Variants in B3GALT1 observed in about 807,000 individuals in gnomAD.
B3GALT1 encodes the protein beta-1,3-galactosyltransferase 1.
B3GALT1 carries 10 observed loss-of-function variants against 23.2 expected under a neutral mutation model. The ratio of observed to expected loss-of-function variants is 0.43; its 90% CI spans 0.27 to 0.73. The LOEUF (loss-of-function observed/expected upper bound fraction) is 0.73. Ranked by LOEUF, B3GALT1 falls within the 30% of genes least tolerant of loss-of-function variation. The probability of loss-of-function intolerance (pLI) is 0.21; values close to 1 mark genes in which losing one functional copy is unlikely to be tolerated. For synonymous variants in B3GALT1, 156 were observed against 141.5 expected, an observed-to-expected ratio of 1.10 and a Z score of -0.73; for missense variants, 299 against 405.4, an observed-to-expected ratio of 0.74 and a Z score of 2.25.
intron 4 of B3GALT1, among the ~76,000 whole-genome samples, chr2:167,854,677 T>G (rs1689965687): frequency 6.6e-6 from 1 of 152,192 alleles, no homozygotes; most frequent in Non-Finnish European, 1.5e-5. Flanking sequence ...TTATCCTAGT[T>G]GTAAAGGAGC....
chr2:167,410,950 A>T (rs1379278021), intron 1 of B3GALT1, among the ~76,000 whole-genome samples: 2 of 152,086 alleles, frequency 1.3e-5, no homozygotes, highest in Non-Finnish European at 2.9e-5. Context: ...GAAAATGTTG[A>T]TGCTATACAA....
At chr2:167,771,406 A>G (rs1383349105) in intron 3 of B3GALT1, among the ~76,000 whole-genome samples, 2 of 152,168 alleles carry the variant, frequency 1.3e-5, no homozygotes, top group Non-Finnish European at 2.9e-5. Context: ...CCTGGCCAAC[A>G]TGGTGAAACC....
chr2:167,626,144 A>G (rs1685339854), intron 2 of B3GALT1, among the ~76,000 whole-genome samples: 1 of 151,258 alleles, frequency 6.6e-6, no homozygotes, highest in Non-Finnish European at 1.5e-5. Flanking sequence ...AGCAGAATAA[A>G]AACTATTTAA....
At chr2:167,778,265 G>C (rs1205889607) in intron 3 of B3GALT1, among the ~76,000 whole-genome samples, 1 of 152,004 alleles carries the variant, frequency 6.6e-6, no homozygotes, top group Non-Finnish European at 1.5e-5. Flanking sequence ...GTGTTCTACT[G>C]TCTCCTCTGT....
At chr2:167,503,246 A>G (rs1466104572) in intron 2 of B3GALT1, among the ~76,000 whole-genome samples, 2 of 152,090 alleles carry the variant, frequency 1.3e-5, no homozygotes, top group Admixed American at 1.3e-4. Context: ...AAAAATTATT[A>G]CAAGCAGTGA....
chr2:167,806,531 C>CAT (rs1688758849), intron 3 of B3GALT1, among the ~76,000 whole-genome samples: 1 of 152,092 alleles, frequency 6.6e-6, no homozygotes, highest in Non-Finnish European at 1.5e-5. Flanking sequence ...GCATGAAGGG[C>CAT]TGTTGAATTT....
intron 4 of B3GALT1, among the ~76,000 whole-genome samples, 196 bp from the exon 5 acceptor site, chr2:167,868,615 A>G (rs1305489051): frequency 6.6e-6 from 1 of 152,142 alleles, no homozygotes; most frequent in Non-Finnish European, 1.5e-5. Context: ...GGGTATTAAT[A>G]TACATACACA....
chr2:167,350,239 C>T (rs980209650), intron 1 of B3GALT1, among the ~76,000 whole-genome samples: 7 of 152,090 alleles, frequency 4.6e-5, no homozygotes, highest in Non-Finnish European at 1.0e-4. Flanking sequence ...TGTAAATCTC[C>T]TTGAAGTACA....
At chr2:167,484,120 A>G (rs1014411236) in intron 1 of B3GALT1, among the ~76,000 whole-genome samples, 3 of 152,234 alleles carry the variant, frequency 2.0e-5, no homozygotes, top group East Asian at 3.8e-4. Context: ...GGGAATAACT[A>G]TGACAACTAA....
chr2:167,350,369 A>T (rs1204050953), intron 1 of B3GALT1, among the ~76,000 whole-genome samples: 1 of 152,074 alleles, frequency 6.6e-6, no homozygotes, highest in Non-Finnish European at 1.5e-5. Flanking sequence ...ATTTCTTATA[A>T]AATACAAATA....
intron 2 of B3GALT1, among the ~76,000 whole-genome samples, chr2:167,503,155 AAAGTT>A (rs1699870936): frequency 1.3e-5 from 2 of 152,342 alleles, no homozygotes; most frequent in African/African-American, 4.8e-5. Flanking sequence ...TGATACTTTT[AAAGTT>A]AAGATTATTG....
chr2:167,609,712 G>C (rs1361144654), intron 2 of B3GALT1, among the ~76,000 whole-genome samples: 1 of 152,148 alleles, frequency 6.6e-6, no homozygotes, highest in Non-Finnish European at 1.5e-5. Flanking sequence ...CACTGTTCTT[G>C]AGAGGGTCAC....
chr2:167,668,886 G>A (rs1338528684), intron 3 of B3GALT1, among the ~76,000 whole-genome samples: 1 of 152,326 alleles, frequency 6.6e-6, no homozygotes, highest in African/African-American at 2.4e-5. Flanking sequence ...ACCTCAGATG[G>A]AAATGCAGAG....
chr2:167,634,580 A>C (rs947123613), intron 2 of B3GALT1, among the ~76,000 whole-genome samples: 2 of 152,184 alleles, frequency 1.3e-5, no homozygotes, highest in African/African-American at 2.4e-5. Flanking sequence ...ACATCAATGC[A>C]AGTAAACTAG....
intron 1 of B3GALT1, among the ~76,000 whole-genome samples, chr2:167,300,094 G>A (rs571470753): frequency 2.0e-5 from 3 of 151,944 alleles, no homozygotes; most frequent in African/African-American, 7.2e-5. Flanking sequence ...TAGTAGATAC[G>A]GGGTTTCACC....
chr2:167,831,305 G>A (rs1206084642), intron 4 of B3GALT1, among the ~76,000 whole-genome samples: 1 of 152,146 alleles, frequency 6.6e-6, no homozygotes, highest in Non-Finnish European at 1.5e-5. Flanking sequence ...CTTTATACGA[G>A]GTGCATCTGC....
intron 1 of B3GALT1, among the ~76,000 whole-genome samples, chr2:167,305,827 A>G (rs998204221): frequency 2.0e-5 from 3 of 152,140 alleles, no homozygotes; most frequent in African/African-American, 7.2e-5. Flanking sequence ...CCTTAATTTC[A>G]GATTTTCTCC....
At chr2:167,821,943 G>A (rs111537960) in intron 4 of B3GALT1, among the ~76,000 whole-genome samples, 1,658 of 152,218 alleles carry the variant, frequency 0.011, 28 homozygotes, top group African/African-American at 0.038. Flanking sequence ...GAAAGGAAAT[G>A]GATCTAAAAT....
chr2:167,619,287 C>T, intron 2 of B3GALT1, among the ~76,000 whole-genome samples: 1 of 151,932 alleles, frequency 6.6e-6, no homozygotes, highest in East Asian at 1.9e-4. Context: ...CCTCTTAGCA[C>T]TTTTACTTTA....
Sources: allele counts gnomAD v4.1 joint callset (sites outside exome capture counted in the v4.1 genomes callset), GRCh38; gene constraint gnomAD v4.1.1; transcripts MANE v1.5; gene names NCBI Gene and HGNC (gene_info 2026-07-23, HGNC 2026-07-21).